The following PLEKHA7 variants were observed in gnomAD, a reference collection of about 807,000 sequenced individuals.
The protein encoded by PLEKHA7 is pleckstrin homology domain-containing family A member 7.
PLEKHA7 carries 104 observed loss-of-function variants against 170.0 expected under a neutral mutation model. The ratio of observed to expected loss-of-function variants is 0.61; its 90% CI spans 0.52 to 0.72. The LOEUF is 0.72. Ranked by LOEUF, PLEKHA7 falls within the 30% of genes least tolerant of loss-of-function variation. The probability of loss-of-function intolerance (pLI) is 0.00; values close to 1 mark genes in which losing one functional copy is unlikely to be tolerated. For synonymous variants in PLEKHA7, 648 were observed against 660.8 expected, an observed-to-expected ratio of 0.98 and a Z score of 0.30; for missense variants, 1,615 against 1,671.7, an observed-to-expected ratio of 0.97 and a Z score of 0.59.
intron 13 of PLEKHA7, among the ~76,000 whole-genome samples, chr11:16,805,183 C>A (rs1438580843): frequency 1.3e-5 from 2 of 152,156 alleles, no homozygotes; most frequent in Non-Finnish European, 2.9e-5. Flanking sequence ...CAAAACTCTT[C>A]CCCTTATTTC....
chr11:16,806,315 G>A (rs995684964), intron 13 of PLEKHA7, among the ~76,000 whole-genome samples: 29 of 152,340 alleles, frequency 1.9e-4, no homozygotes, highest in Admixed American at 1.5e-3. Context: ...TTATATCCAC[G>A]TGTAGCGTAT....
intron 3 of PLEKHA7, among the ~76,000 whole-genome samples, chr11:16,911,237 G>A (rs1027795516): frequency 2.4e-4 from 36 of 152,126 alleles, no homozygotes; most frequent in Non-Finnish European, 5.1e-4. Flanking sequence ...GTGTTAACCC[G>A]CAGGCCTCCT....
At chr11:16,869,990 TGGAAG>T (rs1415605247) in intron 4 of PLEKHA7, among the ~76,000 whole-genome samples, 1 of 152,204 alleles carries the variant, frequency 6.6e-6, no homozygotes, top group East Asian at 1.9e-4. Flanking sequence ...CTCAGATGAA[TGGAAG>T]GGGACAGAGC....
In PLEKHA7 at chr11:16,978,023, C is replaced by T. The variant is rs969956675; in HGVS notation, c.221+35966G>A. ...TGACTGAGATCTTGTGCATTAAAATCGGTTGGACAGCAGGCACACCTCCTG... is the reference window on the plus strand; with the variant it reads ...TGACTGAGATCTTGTGCATTAAAATTGGTTGGACAGCAGGCACACCTCCTG... On this transcript the variant is annotated intron_variant, in intron 3 of 26. Coordinates refer to ENST00000531066, the MANE Select transcript of PLEKHA7 (RefSeq NM_001329630.2). Among the ~76,000 whole-genome samples, 27 of 152,194 alleles carry T rather than the reference C, an allele frequency of 1.8e-4. No individual in the cohort carries two copies. The East Asian group carries it at 1.9e-3, about 11-fold the overall frequency.
rs1282141022 is a variant in PLEKHA7 at position 16,782,844 on chromosome 11, G to A, written c.3703C>T (p.Leu1235=). The A allele has an allele frequency of 1.3e-6, 2 of 1,536,068 alleles. No individual in the cohort carries two copies. Among genetic ancestry groups the A allele is most frequent in the African/African-American group, 2.7e-5 (2 of 73,052 alleles). The stretch of plus-strand genomic sequence containing the variant: ...TCCTGCTCCTGCAGCTGCAAGTCCA[G>A]GTCAGCCACACTGTTCTGGTCCTGG... ...SGQDQNSVAD[L]DLQLQEQERI... is the part of the protein sequence containing the mutation. Residue 1235 remains leucine (L), a synonymous_variant, in exon 26 of 27, where the codon CTG becomes TTG. Transcript: ENST00000531066.
rs1565186051 is a variant in PLEKHA7 at position 16,990,288 on chromosome 11, A to AC, written c.221+23700_221+23701insG. On this transcript the variant is annotated intron_variant, in intron 3 of 26. Transcript: ENST00000531066. ...GACCCTGTCTCAAAAAAAAAAAAAA[A>AC]AAAAAAAAAAACTTCTCCCTGTTCC... 6.6e-4 allele frequency among the ~76,000 whole-genome samples: 39 copies of AC among 58,964 alleles called. No individual in the cohort carries two copies. In the South Asian group the frequency reaches 7.3e-3, roughly 11 times the overall value. The allele number at this position is 58,964 out of a possible 152,430, so 38.7% of individuals were successfully genotyped here.
intron 3 of PLEKHA7, among the ~76,000 whole-genome samples, chr11:16,926,358 G>T (rs556287514): frequency 6.6e-5 from 10 of 152,250 alleles, no homozygotes; most frequent in Middle Eastern, 3.4e-3. Context: ...CAGGCAATCA[G>T]AACTACAGCA....
At chr11:16,872,559 G>A (rs1854944568) in intron 3 of PLEKHA7, among the ~76,000 whole-genome samples, 1 of 152,046 alleles carries the variant, frequency 6.6e-6, no homozygotes, top group Non-Finnish European at 1.5e-5. Flanking sequence ...CCGCTCTGTT[G>A]CCCAGGTGGG....
At chr11:16,942,525 C>G (rs1860761855) in intron 3 of PLEKHA7, among the ~76,000 whole-genome samples, 1 of 152,240 alleles carries the variant, frequency 6.6e-6, no homozygotes, top group Non-Finnish European at 1.5e-5. Flanking sequence ...TGCTGACGAG[C>G]TGACTCTGCT....
At chr11:16,957,605 T>C (rs1467044371) in intron 3 of PLEKHA7, among the ~76,000 whole-genome samples, 2 of 151,964 alleles carry the variant, frequency 1.3e-5, no homozygotes, top group East Asian at 3.9e-4. Flanking sequence ...ATGATGGTTG[T>C]AAAACACCAT....
chr11:16,826,209 G>C lies in PLEKHA7; in HGVS notation c.1254C>G (p.Pro418=). 6.2e-7 allele frequency: 1 copy of C among 1,614,198 alleles called. No homozygotes were observed. Among genetic ancestry groups the C allele is most frequent in the Non-Finnish European group, 8.5e-7 (1 of 1,180,040 alleles). Residue 418 remains proline (P), a synonymous_variant, in exon 10 of 27, where the codon CCC becomes CCG. Coordinates refer to ENST00000531066, the MANE Select transcript of PLEKHA7 (RefSeq NM_001329630.2). ...GTGGYQRAFP[P]RTNPEKHSQR... ...GGCTGTGTTTTTCAGGGTTGGTCCT[G>C]GGAGGAAAGGCCCGCTGGTACCCAC...
chr11:16,886,523 C>T (rs186935879), intron 3 of PLEKHA7, among the ~76,000 whole-genome samples: 166 of 152,240 alleles, frequency 1.1e-3, no homozygotes, highest in African/African-American at 4.0e-3. Context: ...CCAGCCTGGC[C>T]AACATGGTGA....
At chr11:16,949,124 T>G (rs1861243281) in intron 3 of PLEKHA7, among the ~76,000 whole-genome samples, 1 of 151,836 alleles carries the variant, frequency 6.6e-6, no homozygotes, top group African/African-American at 2.4e-5. Flanking sequence ...CCCACTCTCT[T>G]TACCCCCTCC....
Position 16,816,227 on chromosome 11 carries a change from A to G in PLEKHA7, c.1904T>C (p.Met635Thr), listed in dbSNP as rs764595454. 5.0e-6 allele frequency: 8 copies of G among 1,613,930 alleles called. No homozygotes were observed. The highest frequency in any genetic ancestry group is 5.9e-6 in the Non-Finnish European group (7 of 1,179,894). The change falls in exon 12 of 27, where the codon ATG becomes ACG. Residue 635 changes from methionine to threonine, a missense_variant. Met to Thr is a moderately conservative substitution (Grantham distance 81). Coordinates refer to ENST00000531066, the MANE Select transcript of PLEKHA7 (RefSeq NM_001329630.2). ...SHVDRRSMPS[M>T]GYMTHTVSAP... ...GCTGACGGTGTGGGTCATGTAACCC[A>G]TGGAGGGCATGGAGCGTCGGTCCAC...
intron 3 of PLEKHA7, among the ~76,000 whole-genome samples, chr11:16,946,277 A>G (rs1220022401): frequency 1.3e-5 from 2 of 152,172 alleles, no homozygotes; most frequent in Non-Finnish European, 2.9e-5. Context: ...TTCTCCCAGC[A>G]CCTTCTCCCA....
intron 3 of PLEKHA7, among the ~76,000 whole-genome samples, chr11:16,892,065 T>A (rs1364154212): frequency 6.6e-6 from 1 of 152,092 alleles, no homozygotes; most frequent in Non-Finnish European, 1.5e-5. Context: ...CTTCCATTGG[T>A]GGAAGTTTTC....
chr11:16,781,038 G>A, intron 26 of PLEKHA7: 1 of 985,952 alleles, frequency 1.0e-6, no homozygotes, highest in Non-Finnish European at 1.2e-6. Flanking sequence ...GGCGGGAGGA[G>A]GGCCAGCTGC....
At chr11:16,904,925 A>G (rs1030472569) in intron 3 of PLEKHA7, among the ~76,000 whole-genome samples, 7 of 152,230 alleles carry the variant, frequency 4.6e-5, no homozygotes, top group Admixed American at 3.9e-4. Flanking sequence ...ACCCTGTCAA[A>G]TCCATGCCAT....
At chr11:16,982,625 C>A (rs1390481171) in intron 3 of PLEKHA7, among the ~76,000 whole-genome samples, 1 of 152,104 alleles carries the variant, frequency 6.6e-6, no homozygotes, top group Non-Finnish European at 1.5e-5. Context: ...GGTACCGGAG[C>A]CCCAAACAAA....
Sources: gnomAD v4.1 joint callset for allele counts (sites outside exome capture counted in the v4.1 genomes callset) on GRCh38, gnomAD v4.1.1 for gene constraint, MANE v1.5 for transcripts, NCBI Gene and HGNC (gene_info 2026-07-23, HGNC 2026-07-21) for gene names.